The following HMCN1 variants were observed in gnomAD, a reference collection of about 807,000 sequenced individuals.
HMCN1 encodes hemicentin 1.
A neutral mutation model predicts 625.9 loss-of-function variants in HMCN1; 321 were observed. The ratio of observed to expected loss-of-function variants is 0.51; its 90% CI spans 0.47 to 0.56. The LOEUF (loss-of-function observed/expected upper bound fraction) is 0.56. HMCN1 is among the 20% of genes least tolerant of loss of function. The pLI is 0.00. For synonymous variants in HMCN1, 2,425 were observed against 2,417.6 expected (o/e 1.00, Z -0.09); for missense variants, 6,588 against 6,887.3 (o/e 0.96, Z 1.54).
At chr1:185,839,671 T>C (rs1340986522) in intron 1 of HMCN1, among the ~76,000 whole-genome samples, 3 of 152,184 alleles carry the variant, frequency 2.0e-5, no homozygotes, top group Admixed American at 1.3e-4. Context: ...CTCAAAGCCC[T>C]GTGTTCATTA....
At chr1:185,958,077 A>G (rs1020769231) in intron 11 of HMCN1, among the ~76,000 whole-genome samples, 1 of 152,166 alleles carries the variant, frequency 6.6e-6, no homozygotes, top group African/African-American at 2.4e-5. Context: ...ATTGTTTATA[A>G]ATAGGGTATA....
At chr1:185,905,399 A>G (rs984719293) in intron 4 of HMCN1, among the ~76,000 whole-genome samples, 2 of 151,744 alleles carry the variant, frequency 1.3e-5, no homozygotes, top group African/African-American at 2.4e-5. Flanking sequence ...TTAGAAGGAA[A>G]GTCGGATAAA....
At chr1:185,896,864 A>T (rs1049573268) in intron 4 of HMCN1, among the ~76,000 whole-genome samples, 11 of 152,200 alleles carry the variant, frequency 7.2e-5, no homozygotes, top group Admixed American at 6.5e-4. Flanking sequence ...AATAGTTTTT[A>T]AAAAATATGA....
intron 1 of HMCN1, among the ~76,000 whole-genome samples, chr1:185,767,468 A>G (rs913184544): frequency 6.6e-6 from 1 of 152,220 alleles, no homozygotes; most frequent in Non-Finnish European, 1.5e-5. Flanking sequence ...CAAAGATAAG[A>G]CAATAGTGAC....
At chr1:186,102,293 C>T (rs1660417803) in intron 68 of HMCN1, among the ~76,000 whole-genome samples, 2 of 152,048 alleles carry the variant, frequency 1.3e-5, no homozygotes, top group African/African-American at 4.8e-5. Flanking sequence ...GAAATGCTGA[C>T]TTCATTATAA....
At chr1:185,931,526 T>C (rs985517612) in intron 10 of HMCN1, among the ~76,000 whole-genome samples, 1 of 152,072 alleles carries the variant, frequency 6.6e-6, no homozygotes, top group African/African-American at 2.4e-5. Flanking sequence ...TGTATGTTAG[T>C]AGAAAGTTGG....
chr1:186,056,074 C>T (rs1657299826), intron 45 of HMCN1, among the ~76,000 whole-genome samples: 1 of 151,958 alleles, frequency 6.6e-6, no homozygotes, highest in African/African-American at 2.4e-5. Context: ...CTGAAGTCAG[C>T]TTTAATATTC....
chr1:185,745,565 T>C (rs1031378645), intron 1 of HMCN1, among the ~76,000 whole-genome samples: 2 of 152,252 alleles, frequency 1.3e-5, no homozygotes, highest in African/African-American at 4.8e-5. Context: ...TTCCTCATTG[T>C]TAACTCATAT....
intron 1 of HMCN1, among the ~76,000 whole-genome samples, chr1:185,812,805 C>T (rs959471358): frequency 6.7e-6 from 1 of 149,880 alleles, no homozygotes; most frequent in Non-Finnish European, 1.5e-5. Flanking sequence ...GCAATCCCCC[C>T]CCACACACAT....
rs376814181 is a variant in HMCN1, at chr1:185,909,035, G to A, written c.622-302G>A. On this transcript the variant is annotated intron_variant, in intron 4 of 106. Transcript: ENST00000271588. ...ATAAGTTCTTATCTCTTGAGACAGC[G>A]AACTGTCAATAATATCTCTGCATGT... Among the ~76,000 whole-genome samples, 6 of 151,848 alleles carry A rather than the reference G, an allele frequency of 4.0e-5. No homozygotes were observed. The East Asian group carries it at 7.7e-4, about 20-fold the overall frequency.
rs114804980 is a variant in HMCN1 at position 185,864,345 on chromosome 1, T to C, written c.340-125T>C. 7.3e-4 allele frequency: 628 copies of C among 861,720 alleles called. 3 individuals carry two copies. Among genetic ancestry groups the C allele is most frequent in the African/African-American group, 1.6e-3 (99 of 60,046 alleles). The allele number at this position is 861,720 out of a possible 1,614,324, so 53.4% of individuals were successfully genotyped here. ...CTTCCATCCCTTCTTGAACAAAGTGTCAAACTGACAGAAAATAAAAAGGAA... is the reference window on the plus strand; with the variant it reads ...CTTCCATCCCTTCTTGAACAAAGTGCCAAACTGACAGAAAATAAAAAGGAA... On this transcript the variant is annotated intron_variant, in intron 2 of 106. Coordinates refer to ENST00000271588, the MANE Select transcript of HMCN1 (RefSeq NM_031935.3).
At chr1:185,750,268 G>A (rs936946238) in intron 1 of HMCN1, among the ~76,000 whole-genome samples, 13 of 151,998 alleles carry the variant, frequency 8.6e-5, no homozygotes, top group African/African-American at 3.1e-4. Flanking sequence ...TGAATTTTTT[G>A]TATTCTTTTT....
intron 1 of HMCN1, 39 bp from the exon 2 acceptor site, chr1:185,845,987 A>T (rs758394023): frequency 3.1e-6 from 4 of 1,305,498 alleles, no homozygotes. Context: ...AATGCCATTG[A>T]TTACTGTTTA....
chr1:186,149,459 A>C (rs571643170), intron 93 of HMCN1, among the ~76,000 whole-genome samples: 1 of 152,212 alleles, frequency 6.6e-6, no homozygotes, highest in Admixed American at 6.5e-5. Context: ...AAAGAGAGTT[A>C]GGGCCTTAGT....
chr1:186,108,414 C>G, intron 70 of HMCN1, 47 bp from the exon 71 acceptor site: 1 of 1,613,516 alleles, frequency 6.2e-7, no homozygotes. Context: ...TTTTTGGATA[C>G]CTATGATAAT....
intron 1 of HMCN1, among the ~76,000 whole-genome samples, chr1:185,813,099 T>C (rs1659629660): frequency 6.6e-6 from 1 of 152,188 alleles, no homozygotes; most frequent in Non-Finnish European, 1.5e-5. Context: ...TCTGCCTTAC[T>C]CAGTTCTGCT....
chr1:185,903,931 C>A (rs1665952391), intron 4 of HMCN1, among the ~76,000 whole-genome samples: 1 of 151,804 alleles, frequency 6.6e-6, no homozygotes, highest in Non-Finnish European at 1.5e-5. Context: ...CTGAAATTTG[C>A]CAGCATCAGG....
intron 77 of HMCN1, among the ~76,000 whole-genome samples, 166 bp downstream of exon 77, chr1:186,117,789 G>T (rs1016193094): frequency 6.6e-6 from 1 of 151,934 alleles, no homozygotes; most frequent in Non-Finnish European, 1.5e-5. Context: ...ACATAGAAAG[G>T]GGTTCTAGGG....
At chr1:186,038,082 G>T in intron 37 of HMCN1, 47 bp downstream of exon 37, 2 of 1,252,978 alleles carry the variant, frequency 1.6e-6, no homozygotes, top group Non-Finnish European at 2.3e-6. Context: ...AAGATTTCTG[G>T]GAATAACTGA....
Sources: allele counts gnomAD v4.1 joint callset (sites outside exome capture counted in the v4.1 genomes callset), GRCh38; gene constraint gnomAD v4.1.1; transcripts MANE v1.5; gene names NCBI Gene and HGNC (gene_info 2026-07-23, HGNC 2026-07-21).